Variants in CTSB observed in about 807,000 individuals in gnomAD.
The protein encoded by CTSB is APP secretase.
A neutral mutation model predicts 44.3 loss-of-function variants in CTSB; 57 were observed. The ratio of observed to expected loss-of-function variants is 1.29; its 90% CI spans 1.04 to 1.60. The LOEUF is 1.60. Ranked by LOEUF, CTSB falls within the 40% of genes most tolerant of loss-of-function variation. The pLI is 0.00. For missense variants in CTSB, 768 were observed against 443.0 expected, an observed-to-expected ratio of 1.73 and a Z score of -6.59; for synonymous variants, 320 against 168.0, an observed-to-expected ratio of 1.91 and a Z score of -7.00.
rs1814492333 is a variant in CTSB at position 11,850,981 on chromosome 8, C to G, written c.213-1G>C. On this transcript the variant is annotated splice_acceptor_variant, in intron 3 of 9. Transcript: ENST00000353047. LOFTEE classifies it high-confidence loss of function. The stretch of plus-strand genomic sequence containing the variant: ...CTTCAGGTCCTCGGTAAACATAACT[C>G]TGGATAAAGGAAGGTCTTCATTACA... The G allele has an allele frequency of 6.2e-7, 1 of 1,608,932 alleles. No individual in the cohort carries two copies.
rs1342306828 is a variant in CTSB, at chr8:11,853,681, G to A, written c.-25-202C>T. The A allele has an allele frequency of 8.2e-5, 41 of 501,508 alleles. No individual in the cohort carries two copies. In the Admixed American group the frequency reaches 1.3e-3, roughly 16 times the overall value. 31.1% of individuals were successfully genotyped at this position (501,508 alleles called of 1,614,324 possible). A position where few individuals can be genotyped will look rare whatever the true frequency, so the allele number is the denominator to read the frequency against. On this transcript the variant is annotated intron_variant, in intron 1 of 9. Coordinates refer to ENST00000353047, the MANE Select transcript of CTSB (RefSeq NM_001908.5). The stretch of plus-strand genomic sequence containing the variant: ...CATGACCTCGTGTGGGTCCCCGGGG[G>A]CCAGGCGGCCAGAGCCCAGAGAGAG...
chr8:11,850,975 A>G lies in CTSB; in HGVS notation c.218T>C (p.Met73Thr), dbSNP rs540266331. The part of the protein sequence containing the change: ...LGGPKPPQRV[M>T]FTEDLKLPAS... ...AGGCAGCTTCAGGTCCTCGGTAAAC[A>G]TAACTCTGGATAAAGGAAGGTCTTC... The change falls in exon 4 of 10, where the codon ATG becomes ACG. Residue 73 changes from methionine (M) to threonine (T), a missense_variant. By Grantham distance (81) the Met-to-Thr change is moderately conservative. Coordinates refer to ENST00000353047, the MANE Select transcript of CTSB (RefSeq NM_001908.5). 3.3e-5 allele frequency: 53 copies of G among 1,610,064 alleles called. No homozygotes were observed. The highest frequency in any genetic ancestry group is 2.7e-4 in the African/African-American group (20 of 74,942).
intron 1 of CTSB, among the ~76,000 whole-genome samples, chr8:11,863,499 C>T (rs1816708387): frequency 1.3e-5 from 2 of 151,944 alleles, no homozygotes; most frequent in African/African-American, 4.8e-5. Flanking sequence ...CCATCACTGA[C>T]CAACAATAAA....
intron 8 of CTSB, 142 bp from the exon 9 acceptor site, chr8:11,845,931 G>C (rs374610263): frequency 9.0e-5 from 86 of 951,582 alleles, no homozygotes; most frequent in Non-Finnish European, 1.2e-4. Flanking sequence ...AGGCTCCAGG[G>C]GGGGTCCCAC....
chr8:11,865,248 T>G (rs141699757), intron 1 of CTSB, among the ~76,000 whole-genome samples: 1 of 152,058 alleles, frequency 6.6e-6, no homozygotes, highest in Non-Finnish European at 1.5e-5. Flanking sequence ...GCCAGACCAT[T>G]GAAAAGAGGC....
intron 8 of CTSB, 41 bp downstream of exon 8, chr8:11,847,011 C>G (rs758232315): frequency 1.0e-5 from 10 of 993,658 alleles, no homozygotes; most frequent in Non-Finnish European, 1.5e-5. Flanking sequence ...GGCTCCCCTC[C>G]CGACCCCCAC....
rs1339382543 is a variant in CTSB at position 11,842,756 on chromosome 8, C to G, written c.*2369G>C. 6.6e-6 allele frequency: 1 copy of G among 151,886 alleles called. No homozygotes were observed. Among genetic ancestry groups the G allele is most frequent in the African/African-American group, 2.4e-5 (1 of 41,288 alleles). The allele number at this position is 151,886 out of a possible 1,614,324, so 9.4% of individuals were successfully genotyped here. ...GGTTCAAGCGATTCTCGTACCTCAG[C>G]CTCCCGAGTAGCTGGGATTACAGGC... On this transcript the variant is annotated 3_prime_UTR_variant, in exon 10 of 10. Coordinates refer to ENST00000353047, the MANE Select transcript of CTSB (RefSeq NM_001908.5).
intron 3 of CTSB, among the ~76,000 whole-genome samples, chr8:11,851,759 C>T (rs931899998): frequency 9.9e-5 from 15 of 151,280 alleles, no homozygotes; most frequent in African/African-American, 2.7e-4. Context: ...CTCTGCCTCC[C>T]GGGTTCATGC....
At chr8:11,855,825 C>T (rs986138529) in intron 1 of CTSB, among the ~76,000 whole-genome samples, 3 of 152,080 alleles carry the variant, frequency 2.0e-5, no homozygotes, top group Non-Finnish European at 4.4e-5. Flanking sequence ...TGAGACCAGC[C>T]TGGCCAACAT....
intron 3 of CTSB, 147 bp downstream of exon 3, chr8:11,852,463 A>G (rs1231970640): frequency 4.2e-6 from 2 of 479,930 alleles, no homozygotes; most frequent in African/African-American, 4.0e-5. Context: ...ATGAAAAGAA[A>G]CAAGTACTGT....
rs1812788795 is a variant in CTSB at position 11,844,174 on chromosome 8, T to C, written c.*951A>G. ...GGGATGCCATGGTTGAAAACATGGC[T>C]GGGGCAGCGAGAAGTTAAGATGAAG... is the stretch of plus-strand genomic sequence containing the variant. On this transcript the variant is annotated 3_prime_UTR_variant, in exon 10 of 10. Transcript: ENST00000353047. 1 of 152,200 alleles carries C rather than the reference T, an allele frequency of 6.6e-6. No individual in the cohort carries two copies. Among genetic ancestry groups the C allele is most frequent in the South Asian group, 2.1e-4 (1 of 4,832 alleles). 9.4% of individuals were successfully genotyped at this position (152,200 alleles called of 1,614,324 possible).
chr8:11,850,420 A>G (rs78114514), intron 4 of CTSB, among the ~76,000 whole-genome samples: 1 of 58,998 alleles, frequency 1.7e-5, no homozygotes. Flanking sequence ...CTCCATCTCC[A>G]AAAAAAAAAA....
At position 11,853,397 on chromosome 8, in the gene CTSB, T is replaced by A. The variant is rs1355414210; in HGVS notation, c.58A>T (p.Arg20Trp). The A allele has an allele frequency of 4.3e-6, 7 of 1,612,764 alleles. No individual in the cohort carries two copies. The highest frequency in any genetic ancestry group is 5.9e-6 in the Non-Finnish European group (7 of 1,179,814). The change falls in exon 2 of 10, where the codon AGG becomes TGG. Residue 20 changes from arginine to tryptophan, a missense_variant. Transcript: ENST00000353047. ...TCCGACAGGGGATGGAAAGAGGGCC[T>A]GCTCCGGGCATTGGCCAACACCAGC... ...CLLVLANARS[R>W]PSFHPLSDEL...
At chr8:11,845,966 T>C (rs1813246462) in intron 8 of CTSB, among the ~76,000 whole-genome samples, 177 bp from the exon 9 acceptor site, 1 of 152,242 alleles carries the variant, frequency 6.6e-6, no homozygotes, top group Non-Finnish European at 1.5e-5. Context: ...AAATATATTT[T>C]TGAAGGCCCA....
intron 1 of CTSB, among the ~76,000 whole-genome samples, chr8:11,865,736 G>A (rs916482285): frequency 1.3e-5 from 2 of 151,246 alleles, no homozygotes; most frequent in Non-Finnish European, 2.9e-5. Flanking sequence ...CCTCCACCGC[G>A]CGGTGGCTCA....
chr8:11,849,470 A>C, intron 4 of CTSB: 1 of 207,900 alleles, frequency 4.8e-6, no homozygotes, highest in Admixed American at 5.1e-5. Flanking sequence ...CGATTTGCCC[A>C]ACTCAGCTTT....
At chr8:11,852,341 A>C (rs1241423258) in intron 3 of CTSB, among the ~76,000 whole-genome samples, 1 of 152,234 alleles carries the variant, frequency 6.6e-6, no homozygotes, top group African/African-American at 2.4e-5. Flanking sequence ...ACTGCACTCC[A>C]GCCTGGGTGA....
intron 9 of CTSB, among the ~76,000 whole-genome samples, 193 bp from the exon 10 acceptor site, chr8:11,845,415 C>T (rs1417031424): frequency 6.6e-6 from 1 of 152,240 alleles, no homozygotes; most frequent in Non-Finnish European, 1.5e-5. Context: ...GCCCGGTCAC[C>T]CTTCCCATCA....
chr8:11,852,612 C>G lies in CTSB; in HGVS notation c.210G>C (p.Gln70His). 1 of 1,613,280 alleles carries G rather than the reference C, an allele frequency of 6.2e-7. No individual in the cohort carries two copies. Among genetic ancestry groups the G allele is most frequent in the Non-Finnish European group, 8.5e-7 (1 of 1,179,656 alleles). The change falls in exon 3 of 10, where the codon CAG becomes CAC. Residue 70 changes from glutamine (Q) to histidine (H), a missense_variant and splice_region_variant. Coordinates refer to ENST00000353047, the MANE Select transcript of CTSB (RefSeq NM_001908.5). Reference sequence around the variant, plus strand: ...GGTGCAGAGGAGCAGGCACTCACCTCTGGGGTGGCTTGGGCCCACCCAGGA... The same window carrying G: ...GGTGCAGAGGAGCAGGCACTCACCTGTGGGGTGGCTTGGGCCCACCCAGGA... ...GTFLGGPKPP[Q>H]RVMFTEDLKL...
Sources: gnomAD v4.1 joint callset for allele counts (sites outside exome capture counted in the v4.1 genomes callset) on GRCh38, gnomAD v4.1.1 for gene constraint, MANE v1.5 for transcripts, NCBI Gene and HGNC (gene_info 2026-07-23, HGNC 2026-07-21) for gene names.